The following FHIT variants were observed in gnomAD, a reference collection of about 807,000 sequenced individuals.
FHIT encodes the protein bis(5'-adenosyl)-triphosphatase.
A neutral mutation model predicts 17.9 loss-of-function variants in FHIT; 19 were observed. That is an observed-to-expected ratio of 1.06 (90% CI 0.74 to 1.56). The LOEUF (loss-of-function observed/expected upper bound fraction) is 1.56. Ranked by LOEUF, FHIT falls within the 40% of genes most tolerant of loss-of-function variation. The pLI, the probability that FHIT is intolerant of heterozygous loss-of-function variation, is 0.00. For synonymous variants in FHIT, 81 were observed against 69.7 expected, an observed-to-expected ratio of 1.16 and a Z score of -0.81; for missense variants, 248 against 189.2, an observed-to-expected ratio of 1.31 and a Z score of -1.82.
At chr3:60,302,330 A>C (rs756293064) in intron 5 of FHIT, among the ~76,000 whole-genome samples, 1 of 152,044 alleles carries the variant, frequency 6.6e-6, no homozygotes, top group Non-Finnish European at 1.5e-5. Context: ...TGGCATATTT[A>C]ATCAACAGAA....
At chr3:59,928,892 G>A (rs1177720577) in intron 7 of FHIT, among the ~76,000 whole-genome samples, 1 of 150,802 alleles carries the variant, frequency 6.6e-6, no homozygotes, top group Middle Eastern at 3.2e-3. Context: ...CTACTCAGGA[G>A]GCTGAGGTAG....
At chr3:61,177,483 T>A (rs2107155456) in intron 2 of FHIT, among the ~76,000 whole-genome samples, 1 of 152,320 alleles carries the variant, frequency 6.6e-6, no homozygotes, top group Admixed American at 6.5e-5. Context: ...TTACTTTAAA[T>A]GTATATTTTT....
intron 5 of FHIT, among the ~76,000 whole-genome samples, chr3:60,276,400 G>A (rs1228719670): frequency 6.6e-6 from 1 of 152,086 alleles, no homozygotes; most frequent in African/African-American, 2.4e-5. Flanking sequence ...TCACACAAGC[G>A]TTTTTCTCAA....
At chr3:59,923,972 C>A (rs750510811) in intron 7 of FHIT, among the ~76,000 whole-genome samples, 2 of 152,146 alleles carry the variant, frequency 1.3e-5, no homozygotes, top group African/African-American at 4.8e-5. Context: ...AAGCCAGTCA[C>A]GGATCTCTCA....
At chr3:60,215,396 T>C (rs1344670429) in intron 5 of FHIT, among the ~76,000 whole-genome samples, 1 of 151,736 alleles carries the variant, frequency 6.6e-6, no homozygotes, top group Non-Finnish European at 1.5e-5. Flanking sequence ...GGAGAATCAC[T>C]TGAACCTGAG....
At chr3:60,437,344 A>G (rs1025571481) in intron 5 of FHIT, among the ~76,000 whole-genome samples, 2 of 152,144 alleles carry the variant, frequency 1.3e-5, no homozygotes, top group African/African-American at 4.8e-5. Flanking sequence ...AAAACCATAA[A>G]TAAATACTCC....
chr3:60,030,217 T>TA (rs1700943877), intron 5 of FHIT, among the ~76,000 whole-genome samples: 1 of 152,154 alleles, frequency 6.6e-6, no homozygotes, highest in Non-Finnish European at 1.5e-5. Context: ...GTAACATCAA[T>TA]ACCATGCATG....
At chr3:60,039,288 C>T (rs1033977121) in intron 5 of FHIT, among the ~76,000 whole-genome samples, 1 of 152,194 alleles carries the variant, frequency 6.6e-6, no homozygotes, top group African/African-American at 2.4e-5. Flanking sequence ...CTCATTTGGC[C>T]TTACTTCTCC....
intron 8 of FHIT, among the ~76,000 whole-genome samples, chr3:59,885,392 C>T (rs78346965): frequency 0.016 from 2,407 of 151,890 alleles, 61 homozygotes; most frequent in African/African-American, 0.055. Context: ...ACAAAAATGC[C>T]CTCAGAAACA....
At chr3:60,264,002 AT>A (rs1354861350) in intron 5 of FHIT, among the ~76,000 whole-genome samples, 1 of 151,670 alleles carries the variant, frequency 6.6e-6, no homozygotes, top group Non-Finnish European at 1.5e-5. Context: ...AATCTATTTG[AT>A]CTGTTCAAAT....
chr3:61,090,994 C>G (rs1201957231), intron 2 of FHIT, among the ~76,000 whole-genome samples: 1 of 152,196 alleles, frequency 6.6e-6, no homozygotes, highest in Non-Finnish European at 1.5e-5. Flanking sequence ...CACTCACAAT[C>G]TGTCAAGACA....
intron 4 of FHIT, among the ~76,000 whole-genome samples, chr3:60,744,267 A>C (rs1412132673): frequency 3.0e-4 from 13 of 43,674 alleles, no homozygotes; most frequent in African/African-American, 1.1e-3. Context: ...ACAAAACAAA[A>C]CAAAAAAAAA....
At chr3:60,752,118 T>C (rs1362413724) in intron 4 of FHIT, among the ~76,000 whole-genome samples, 4 of 152,208 alleles carry the variant, frequency 2.6e-5, no homozygotes, top group African/African-American at 7.2e-5. Flanking sequence ...AAAGTTTTAG[T>C]ATTCCATAGT....
At chr3:61,177,138 CT>C (rs1311785959) in intron 2 of FHIT, among the ~76,000 whole-genome samples, 5 of 150,674 alleles carry the variant, frequency 3.3e-5, no homozygotes, top group African/African-American at 1.2e-4. Flanking sequence ...GATTGCACCC[CT>C]GCACTTCAGC....
intron 5 of FHIT, among the ~76,000 whole-genome samples, chr3:60,296,601 G>A (rs1032743525): frequency 1.3e-5 from 2 of 152,022 alleles, no homozygotes; most frequent in Non-Finnish European, 2.9e-5. Context: ...CCAGTCTGCA[G>A]CTTGTCTTTT....
intron 3 of FHIT, among the ~76,000 whole-genome samples, chr3:60,955,511 C>T (rs1456241066): frequency 6.6e-6 from 1 of 151,330 alleles, no homozygotes; most frequent in South Asian, 2.1e-4. Flanking sequence ...CACTGACATA[C>T]AATAATTCTT....
chr3:60,191,661 T>A (rs1289946608), intron 5 of FHIT, among the ~76,000 whole-genome samples: 1 of 152,174 alleles, frequency 6.6e-6, no homozygotes, highest in African/African-American at 2.4e-5. Context: ...CAAATGTTAT[T>A]TTGGGAAAGT....
At chr3:61,031,938 A>C (rs148791896) in intron 3 of FHIT, among the ~76,000 whole-genome samples, 2 of 152,356 alleles carry the variant, frequency 1.3e-5, no homozygotes, top group African/African-American at 4.8e-5. Flanking sequence ...AAATCAAGGC[A>C]TGTTGGGTCA....
At chr3:60,577,655 T>TG (rs1374084710) in intron 4 of FHIT, among the ~76,000 whole-genome samples, 2 of 152,142 alleles carry the variant, frequency 1.3e-5, no homozygotes, top group African/African-American at 4.8e-5. Flanking sequence ...AAGACATCAG[T>TG]GCTAAGAGGC....
Sources: allele counts gnomAD v4.1 joint callset (sites outside exome capture counted in the v4.1 genomes callset), GRCh38; gene constraint gnomAD v4.1.1; transcripts MANE v1.5; gene names NCBI Gene and HGNC (gene_info 2026-07-23, HGNC 2026-07-21).